YARS1: variants seen among roughly 807,000 people sequenced by gnomAD.
YARS1 encodes tyrosyl-tRNA synthetase 1, also known as tyrosine--tRNA ligase, cytoplasmic.
A neutral mutation model predicts 62.2 loss-of-function variants in YARS1; 36 were observed. The ratio of observed to expected loss-of-function variants is 0.58; its 90% CI spans 0.44 to 0.76. The LOEUF (loss-of-function observed/expected upper bound fraction) is 0.76, where lower values mean the gene tolerates loss of function less well. Among genes scored for constraint, YARS1 ranks in the 30% least tolerant of loss-of-function variants. The probability of loss-of-function intolerance (pLI) is 0.00; values close to 1 mark genes in which losing one functional copy is unlikely to be tolerated. For missense variants in YARS1, 524 were observed against 639.8 expected (o/e 0.82, Z 1.95); for synonymous variants, 234 against 244.9 (o/e 0.96, Z 0.42).
In YARS1 at chr1:32,775,819, T is replaced by C; in HGVS notation, c.*162A>G. On this transcript the variant is annotated 3_prime_UTR_variant, in exon 13 of 13. Transcript: ENST00000373477. ...AGCCAGACAGGATGATCCTGGGTTCTGGGGAGGGTAAGCTGCCCCTTGCCG... is the reference window on the plus strand; with the variant it reads ...AGCCAGACAGGATGATCCTGGGTTCCGGGGAGGGTAAGCTGCCCCTTGCCG... 1 of 682,974 alleles carries C rather than the reference T, an allele frequency of 1.5e-6. No individual in the cohort carries two copies. 42.3% of individuals were successfully genotyped at this position (682,974 alleles called of 1,614,324 possible).
intron 1 of YARS1, chr1:32,811,445 C>T (rs1638584062): frequency 3.0e-6 from 1 of 332,856 alleles, no homozygotes; most frequent in African/African-American, 2.1e-5. Context: ...TACCCTAAGC[C>T]CCAGCATTTG....
Position 32,811,001 on chromosome 1 carries a change from A to T in YARS1, c.114T>A (p.Ile38=). The part of the protein sequence containing the change: ...KEILKERELK[I]YWGTATTGKP... ...TGCCCGTGGTTGCCGTTCCCCAGTAAATTTTAAGTTCCCGCTCCTTCAGTA... is the reference window on the plus strand; with the variant it reads ...TGCCCGTGGTTGCCGTTCCCCAGTATATTTTAAGTTCCCGCTCCTTCAGTA... Residue 38 remains isoleucine (I), a synonymous_variant, in exon 2 of 13, where the codon ATT becomes ATA. Transcript: ENST00000373477. 2 of 1,614,060 alleles carry T rather than the reference A, an allele frequency of 1.2e-6. No individual in the cohort carries two copies. The highest frequency in any genetic ancestry group is 1.7e-6 in the Non-Finnish European group (2 of 1,180,004).
At chr1:32,807,305 C>A (rs1638485874) in intron 3 of YARS1, among the ~76,000 whole-genome samples, 2 of 152,172 alleles carry the variant, frequency 1.3e-5, no homozygotes, top group South Asian at 2.1e-4. Flanking sequence ...CTCCTACCAA[C>A]CCATATCTCT....
intron 4 of YARS1, among the ~76,000 whole-genome samples, chr1:32,801,942 CTTTTTTTTTTTTT>C (rs34270752): frequency 9.6e-6 from 1 of 103,888 alleles, no homozygotes; most frequent in African/African-American, 3.5e-5. Flanking sequence ...CTTGTTATTT[CTTTTTTTTTTTTT>C]TTTTTTTTTT....
chr1:32,778,431 CAG>C (rs1244379744), intron 12 of YARS1, among the ~76,000 whole-genome samples: 2 of 146,404 alleles, frequency 1.4e-5, no homozygotes, highest in African/African-American at 2.5e-5. Flanking sequence ...TTTTTTGAGA[CAG>C]AGTCTCACTC....
chr1:32,815,202 A>C (rs540410020), intron 1 of YARS1, among the ~76,000 whole-genome samples: 1 of 152,204 alleles, frequency 6.6e-6, no homozygotes, highest in South Asian at 2.1e-4. Context: ...TACAAAAATT[A>C]GCCCGGCGTG....
chr1:32,790,869 C>G (rs1366554395), intron 6 of YARS1: 1 of 377,130 alleles, frequency 2.7e-6, no homozygotes, highest in Non-Finnish European at 5.0e-6. Context: ...GAAATGCAAC[C>G]ATAGTGCTCT....
chr1:32,814,283 C>G (rs1256997922), intron 1 of YARS1, among the ~76,000 whole-genome samples: 8 of 152,148 alleles, frequency 5.3e-5, no homozygotes, highest in Non-Finnish European at 7.4e-5. Flanking sequence ...CTATTTCTCT[C>G]TGCCTCTACA....
rs1207371448 is a variant in YARS1 at position 32,782,524 on chromosome 1, C to A, written c.922G>T (p.Asp308Tyr). ...DFAAEVVHPG[D>Y]LKNSVEVALN... ...GCGACTTCAACAGAATTCTTCAGGT[C>A]TCCAGGATGTACAACCTGCAGAATC... The change falls in exon 9 of 13, where the codon GAC (aspartate) becomes TAC (tyrosine). Residue 308 changes from aspartate (D) to tyrosine (Y), a missense_variant. Transcript: ENST00000373477. The A allele has an allele frequency of 1.9e-6, 3 of 1,614,018 alleles. No individual in the cohort carries two copies. The highest frequency in any genetic ancestry group is 2.5e-6 in the Non-Finnish European group (3 of 1,180,042).
chr1:32,803,063 A>G (rs1638343340), intron 4 of YARS1, among the ~76,000 whole-genome samples: 1 of 147,644 alleles, frequency 6.8e-6, no homozygotes, highest in Admixed American at 6.9e-5. Context: ...GCTTACTGCA[A>G]TCTCCACCTC....
intron 10 of YARS1, chr1:32,780,615 G>C (rs183203414): frequency 2.3e-6 from 1 of 425,962 alleles, no homozygotes; most frequent in South Asian, 2.2e-5. Flanking sequence ...AATCCATGTC[G>C]AAGGGAAAAA....
rs754963904 is a variant in YARS1 at position 32,797,814 on chromosome 1, A to C, written c.540T>G (p.Asp180Glu). 2 of 1,614,186 alleles carry C rather than the reference A, an allele frequency of 1.2e-6. No homozygotes were observed. The highest frequency in any genetic ancestry group is 1.7e-6 in the Non-Finnish European group (2 of 1,180,026). The change falls in exon 5 of 13, where the codon GAT (aspartate) becomes GAG (glutamate). Residue 180 changes from aspartate to glutamate, a missense_variant. Coordinates refer to ENST00000373477, the MANE Select transcript of YARS1 (RefSeq NM_003680.4). Reference protein sequence around the residue: ...QALDEEYLKVDAQFGGIDQRK... With the variant: ...QALDEEYLKVEAQFGGIDQRK... ...TCTGATCAATGCCTCCAAATTGGGCATCTACTTTTAAATACTCTTCATCCA... is the reference window on the plus strand; with the variant it reads ...TCTGATCAATGCCTCCAAATTGGGCCTCTACTTTTAAATACTCTTCATCCA...
chr1:32,796,995 A>AATATATATAT (rs869089598), intron 5 of YARS1, among the ~76,000 whole-genome samples: 1 of 20,552 alleles, frequency 4.9e-5, no homozygotes, highest in Non-Finnish European at 7.4e-5. Context: ...AAAAAAAAAA[A>AATATATATAT]ATATATATAT....
intron 4 of YARS1, among the ~76,000 whole-genome samples, chr1:32,803,263 C>G (rs1638349652): frequency 6.6e-6 from 1 of 151,198 alleles, no homozygotes; most frequent in Non-Finnish European, 1.5e-5. Flanking sequence ...CAGGTGTGAG[C>G]CATCATGCCT....
chr1:32,800,911 T>A (rs1271610675), intron 4 of YARS1, among the ~76,000 whole-genome samples: 1 of 152,210 alleles, frequency 6.6e-6, no homozygotes, highest in African/African-American at 2.4e-5. Context: ...CTCGTACAAA[T>A]ATATGTGCAC....
Position 32,811,070 on chromosome 1 carries a change from C to G in YARS1, c.58-13G>C, listed in dbSNP as rs1428209311. On this transcript the variant is annotated splice_polypyrimidine_tract_variant and intron_variant, in intron 1 of 12. Coordinates refer to ENST00000373477, the MANE Select transcript of YARS1 (RefSeq NM_003680.4). Reference sequence around the variant, plus strand: ...CCCCCAGAACCTCCTATTGTGGAAGCAGAAGAGTTAGTTTAATGTCAGTGC... The same window carrying G: ...CCCCCAGAACCTCCTATTGTGGAAGGAGAAGAGTTAGTTTAATGTCAGTGC... 6 of 1,614,014 alleles carry G rather than the reference C, an allele frequency of 3.7e-6. No homozygotes were observed. The highest frequency in any genetic ancestry group is 4.2e-6 in the Non-Finnish European group (5 of 1,180,002).
At chr1:32,799,703 G>T (rs1266766318) in intron 4 of YARS1, among the ~76,000 whole-genome samples, 1 of 152,134 alleles carries the variant, frequency 6.6e-6, no homozygotes, top group Non-Finnish European at 1.5e-5. Flanking sequence ...TTGATATATA[G>T]CCAATGTGAC....
At chr1:32,779,337 G>C in intron 12 of YARS1, 45 bp downstream of exon 12, 1 of 1,614,094 alleles carries the variant, frequency 6.2e-7, no homozygotes, top group Non-Finnish European at 8.5e-7. Context: ...TGGGGACACA[G>C]TCCAGGCAGC....
chr1:32,797,487 G>C, intron 5 of YARS1: 1 of 515,340 alleles, frequency 1.9e-6, no homozygotes, highest in South Asian at 2.2e-5. Context: ...ATTAGGAAAG[G>C]AGTAAATCCA....
Sources: gnomAD v4.1 joint callset for allele counts (sites outside exome capture counted in the v4.1 genomes callset) on GRCh38, gnomAD v4.1.1 for gene constraint, MANE v1.5 for transcripts, NCBI Gene and HGNC (gene_info 2026-07-23, HGNC 2026-07-21) for gene names.